Variants in DMD observed in about 807,000 individuals in gnomAD.
DMD encodes mutant dystrophin.
DMD carries 63 observed loss-of-function variants against 330.1 expected under a neutral mutation model. The observed-to-expected ratio is 0.19, with a 90% CI of 0.16 to 0.24. The LOEUF (loss-of-function observed/expected upper bound fraction) is 0.24, where lower values mean the gene tolerates loss of function less well. DMD is among the 10% of genes least tolerant of loss of function. The pLI, the probability that DMD is intolerant of heterozygous loss-of-function variation, is 1.00. For synonymous variants in DMD, 1,223 were observed against 959.8 expected, an observed-to-expected ratio of 1.27 and a Z score of -5.07; for missense variants, 3,344 against 2,684.1, an observed-to-expected ratio of 1.25 and a Z score of -5.43.
chrX:32,777,808 C>G (rs2148511671), intron 7 of DMD, among the ~76,000 whole-genome samples: 1 of 112,579 alleles, frequency 8.9e-6, no homozygotes, highest in African/African-American at 3.2e-5. Context: ...GCAACAGTTA[C>G]TGTGTAAAAA....
intron 1 of DMD, among the ~76,000 whole-genome samples, chrX:33,025,481 A>C (rs769976529): frequency 2.1e-3 from 230 of 111,531 alleles, no homozygotes; most frequent in African/African-American, 7.0e-3. Context: ...GGAAAAAAAA[A>C]AACAGAAAAA....
intron 1 of DMD, among the ~76,000 whole-genome samples, chrX:33,248,641 G>A (rs1186047994): frequency 1.8e-5 from 2 of 111,988 alleles, no homozygotes; most frequent in African/African-American, 6.5e-5. Context: ...AGGAATAAAT[G>A]TTAGAAGTAT....
At chrX:32,179,261 C>T (rs1238666358) in intron 44 of DMD, among the ~76,000 whole-genome samples, 1 of 110,912 alleles carries the variant, frequency 9.0e-6, no homozygotes, top group East Asian at 2.9e-4. Flanking sequence ...TCCTAGGTAT[C>T]AGAATTTTCT....
chrX:33,063,269 A>C lies in DMD; in HGVS notation c.32-43069T>G, dbSNP rs1185272098. Among the ~76,000 whole-genome samples the C allele has an allele frequency of 2.7e-5, 3 of 111,785 alleles. No individual in the cohort carries two copies. In the East Asian group the frequency reaches 8.4e-4, roughly 31 times the overall value. On this transcript the variant is annotated intron_variant, in intron 1 of 78. Coordinates refer to ENST00000357033, the MANE Select transcript of DMD (RefSeq NM_004006.3). ...TACTTTGGTTACCAGAGACTCTGCC[A>C]AATTTTCAATGATAATTTACATATG...
chrX:31,154,120 A>T (rs888181898), intron 74 of DMD, among the ~76,000 whole-genome samples: 1 of 111,179 alleles, frequency 9.0e-6, no homozygotes, highest in Non-Finnish European at 1.9e-5. Flanking sequence ...GCCCTTATCA[A>T]TTACGCATTT....
intron 7 of DMD, among the ~76,000 whole-genome samples, chrX:32,721,070 G>C (rs1410902144): frequency 9.0e-6 from 1 of 110,775 alleles, no homozygotes; most frequent in Non-Finnish European, 1.9e-5. Context: ...GAATATTTGT[G>C]TGTGTGTGTG....
intron 1 of DMD, among the ~76,000 whole-genome samples, chrX:33,100,399 G>A (rs1437081816): frequency 1.8e-5 from 2 of 111,780 alleles, no homozygotes; most frequent in Non-Finnish European, 3.8e-5. Context: ...TGTTAAAGAT[G>A]GAAACGATGA....
At position 32,763,656 on chromosome X, in the gene DMD, G is replaced by A. The variant is rs141854267; in HGVS notation, c.649+45837C>T. On this transcript the variant is annotated intron_variant, in intron 7 of 78. Coordinates refer to ENST00000357033, the MANE Select transcript of DMD (RefSeq NM_004006.3). ...ATTAATGACTCTAGTTCAAAGCACA[G>A]TAATGGTCTACCAACCTTATTGTCC... Among the ~76,000 whole-genome samples, 701 of 111,958 alleles carry A rather than the reference G, an allele frequency of 6.3e-3. 6 individuals are homozygous for A. Among genetic ancestry groups the A allele is most frequent in the Middle Eastern group, 9.3e-3 (2 of 216 alleles).
At chrX:31,771,930 C>G (rs2090366663) in intron 51 of DMD, among the ~76,000 whole-genome samples, 1 of 111,711 alleles carries the variant, frequency 9.0e-6, no homozygotes, top group South Asian at 3.7e-4. Flanking sequence ...AATGGCTTCC[C>G]TAAATGCTGG....
chrX:32,456,395 T>G (rs1192764420), intron 25 of DMD, among the ~76,000 whole-genome samples: 2 of 110,970 alleles, frequency 1.8e-5, no homozygotes, highest in South Asian at 3.7e-4. Context: ...ATAATAAACT[T>G]AAGAAAACAT....
intron 17 of DMD, among the ~76,000 whole-genome samples, chrX:32,524,347 T>C (rs1371919870): frequency 8.9e-6 from 1 of 111,949 alleles, no homozygotes; most frequent in Non-Finnish European, 1.9e-5. Context: ...ATAAAGCATA[T>C]ACTAAGTGCT....
chrX:32,414,985 G>A (rs1481022365), intron 29 of DMD, among the ~76,000 whole-genome samples: 2 of 111,604 alleles, frequency 1.8e-5, no homozygotes, highest in African/African-American at 3.3e-5. Flanking sequence ...TATTGCAGAG[G>A]AGACTGGCTG....
At chrX:31,314,208 AC>A (rs977537916) in intron 62 of DMD, among the ~76,000 whole-genome samples, 1 of 112,161 alleles carries the variant, frequency 8.9e-6, no homozygotes, top group Non-Finnish European at 1.9e-5. Flanking sequence ...CAGATGAAAC[AC>A]TTTGTCATTT....
chrX:32,741,592 T>C (rs764533034), intron 7 of DMD, among the ~76,000 whole-genome samples: 1 of 111,113 alleles, frequency 9.0e-6, no homozygotes, highest in East Asian at 2.9e-4. Context: ...GCTGAACGAG[T>C]AGTACTTCTG....
intron 60 of DMD, among the ~76,000 whole-genome samples, chrX:31,376,784 G>A (rs2059907527): frequency 8.9e-6 from 1 of 112,250 alleles, no homozygotes; most frequent in Admixed American, 9.5e-5. Context: ...TTCTGTCCTA[G>A]TTTTAAGCAG....
intron 44 of DMD, among the ~76,000 whole-genome samples, chrX:32,202,980 T>G (rs1476173706): frequency 8.9e-6 from 1 of 112,084 alleles, no homozygotes; most frequent in Admixed American, 9.5e-5. Context: ...AAACACATTC[T>G]GCAACTGTGG....
intron 1 of DMD, among the ~76,000 whole-genome samples, chrX:33,069,595 A>G (rs1373941487): frequency 8.9e-6 from 1 of 111,889 alleles, no homozygotes; most frequent in Non-Finnish European, 1.9e-5. Context: ...ATCTATCTAA[A>G]TTGAAGAACA....
Position 33,010,017 on chromosome X carries a change from CAT to C in DMD, c.93+10120_93+10121del, listed in dbSNP as rs750388460. Among the ~76,000 whole-genome samples, 83 of 60,228 alleles carry C rather than the reference CAT, an allele frequency of 1.4e-3. 14 individuals carry two copies. Among genetic ancestry groups the C allele is most frequent in the African/African-American group, 3.9e-3 (58 of 14,856 alleles). The allele number at this position is 60,228 out of a possible 115,157, so 52.3% of individuals were successfully genotyped here. On this transcript the variant is annotated intron_variant, in intron 2 of 78. Coordinates refer to ENST00000357033, the MANE Select transcript of DMD (RefSeq NM_004006.3). Reference sequence around the variant, plus strand: ...ATACACGTATGTATGTGTATATACACATATGTGTGTACATGTGTATATACACA... The same window carrying C: ...ATACACGTATGTATGTGTATATACACATGTGTGTACATGTGTATATACACA...
intron 7 of DMD, among the ~76,000 whole-genome samples, chrX:32,733,094 A>G (rs1425468876): frequency 7.4e-5 from 8 of 107,857 alleles, no homozygotes; most frequent in South Asian, 4.0e-4. Flanking sequence ...GAAAACAAAA[A>G]AAGGCAGGGG....
Sources: gnomAD v4.1 joint callset for allele counts (sites outside exome capture counted in the v4.1 genomes callset) on GRCh38, gnomAD v4.1.1 for gene constraint, MANE v1.5 for transcripts, NCBI Gene and HGNC (gene_info 2026-07-23, HGNC 2026-07-21) for gene names.